Variants in PCCA observed in about 807,000 individuals in gnomAD.
PCCA encodes the protein propionyl-CoA carboxylase alpha chain, mitochondrial.
PCCA carries 74 observed loss-of-function variants against 101.3 expected under a neutral mutation model. The ratio of observed to expected loss-of-function variants is 0.73; its 90% CI spans 0.61 to 0.89. The LOEUF (loss-of-function observed/expected upper bound fraction) is 0.89. Ranked by LOEUF, PCCA falls within the 40% of genes least tolerant of loss-of-function variation. The pLI, the probability that PCCA is intolerant of heterozygous loss-of-function variation, is 0.00. For missense variants in PCCA, 891 were observed against 907.0 expected, an observed-to-expected ratio of 0.98 and a Z score of 0.23; for synonymous variants, 294 against 313.6, an observed-to-expected ratio of 0.94 and a Z score of 0.66.
At chr13:100,151,168 A>G (rs1360462727) in intron 4 of PCCA, 1 of 827,354 alleles carries the variant, frequency 1.2e-6, no homozygotes, top group Non-Finnish European at 1.9e-6. Context: ...TTAATAAAGA[A>G]GATGATTTTT....
At chr13:100,396,004 A>G (rs931186834) in intron 19 of PCCA, among the ~76,000 whole-genome samples, 12 of 152,232 alleles carry the variant, frequency 7.9e-5, no homozygotes, top group African/African-American at 2.7e-4. Flanking sequence ...CAACCTATCT[A>G]CCATCAGCAT....
At chr13:100,344,973 TGCACGTG>T (rs1413609905) in intron 18 of PCCA, among the ~76,000 whole-genome samples, 7 of 152,220 alleles carry the variant, frequency 4.6e-5, no homozygotes, top group African/African-American at 1.7e-4. Flanking sequence ...CCACAAACCA[TGCACGTG>T]TAAGGTGGTG....
chr13:100,417,430 G>T (rs1056683731), intron 19 of PCCA, among the ~76,000 whole-genome samples: 1 of 152,166 alleles, frequency 6.6e-6, no homozygotes, highest in South Asian at 2.1e-4. Context: ...ACTTCCATGT[G>T]TTTATTTCCC....
At chr13:100,456,032 T>G (rs1269810450) in intron 21 of PCCA, among the ~76,000 whole-genome samples, 1 of 152,164 alleles carries the variant, frequency 6.6e-6, no homozygotes, top group Non-Finnish European at 1.5e-5. Flanking sequence ...TTTTGTGCAT[T>G]GAGTATGCAG....
intron 8 of PCCA, among the ~76,000 whole-genome samples, chr13:100,242,812 C>T (rs2061224424): frequency 6.6e-6 from 1 of 152,072 alleles, no homozygotes; most frequent in Non-Finnish European, 1.5e-5. Flanking sequence ...GTATAGGATT[C>T]TCTGCAATAT....
At chr13:100,294,288 A>G (rs2065352396) in intron 12 of PCCA, among the ~76,000 whole-genome samples, 1 of 152,146 alleles carries the variant, frequency 6.6e-6, no homozygotes, top group Non-Finnish European at 1.5e-5. Flanking sequence ...CTCCAAATAC[A>G]GTCACATTCT....
chr13:100,225,365 T>A (rs938272897), intron 7 of PCCA, among the ~76,000 whole-genome samples: 2 of 152,212 alleles, frequency 1.3e-5, no homozygotes, highest in Non-Finnish European at 2.9e-5. Flanking sequence ...TTAGTTCTAA[T>A]TGTTCGTTAA....
chr13:100,517,275 T>A (rs1029477704), intron 22 of PCCA, among the ~76,000 whole-genome samples: 8 of 152,156 alleles, frequency 5.3e-5, no homozygotes, highest in African/African-American at 1.9e-4. Flanking sequence ...AACGGGGCGC[T>A]CCCAAGGCCA....
At chr13:100,319,396 A>G (rs2067748752) in intron 16 of PCCA, among the ~76,000 whole-genome samples, 1 of 152,198 alleles carries the variant, frequency 6.6e-6, no homozygotes, top group South Asian at 2.1e-4. Flanking sequence ...TGTTTTAGAC[A>G]TGAAGTCCTT....
intron 8 of PCCA, among the ~76,000 whole-genome samples, chr13:100,243,659 C>G (rs1371886952): frequency 1.3e-5 from 2 of 152,188 alleles, no homozygotes; most frequent in African/African-American, 4.8e-5. Flanking sequence ...AAGTCTTTTA[C>G]TGAACCTTAT....
Position 100,330,572 on chromosome 13 carries a change from A to G in PCCA, c.1441A>G (p.Asn481Asp). Residue 481 changes from asparagine (N) to aspartate (D), a missense_variant, in exon 17 of 24, where the codon AAT becomes GAT. Physicochemically the swap from Asn to Asp is conservative, Grantham distance 23 (BLOSUM62 1). Coordinates refer to ENST00000376285, the MANE Select transcript of PCCA (RefSeq NM_000282.4). The part of the protein sequence containing the change: ...DNYVIRGVTH[N>D]IALLREVIIN... ...CATTTTACTTTTAGGTGTTACACATAATATTGCATTACTTCGAGAGGTGAT... is the reference window on the plus strand; with the variant it reads ...CATTTTACTTTTAGGTGTTACACATGATATTGCATTACTTCGAGAGGTGAT... The G allele has an allele frequency of 6.3e-7, 1 of 1,597,694 alleles. No individual in the cohort carries two copies. Among genetic ancestry groups the G allele is most frequent in the Non-Finnish European group, 8.6e-7 (1 of 1,165,722 alleles).
intron 4 of PCCA, among the ~76,000 whole-genome samples, chr13:100,127,892 A>G (rs1018082260): frequency 2.0e-5 from 3 of 152,140 alleles, no homozygotes; most frequent in Non-Finnish European, 4.4e-5. Context: ...ACTCCGTCTC[A>G]AAAAACAAAA....
intron 21 of PCCA, among the ~76,000 whole-genome samples, chr13:100,492,033 G>C (rs982546455): frequency 6.6e-6 from 1 of 152,120 alleles, no homozygotes; most frequent in Non-Finnish European, 1.5e-5. Flanking sequence ...CTTAGAAAAG[G>C]TTCATCTACT....
At chr13:100,451,034 T>C (rs984910246) in intron 21 of PCCA, among the ~76,000 whole-genome samples, 1 of 152,194 alleles carries the variant, frequency 6.6e-6, no homozygotes, top group Non-Finnish European at 1.5e-5. Context: ...GCAGGGTAGA[T>C]GAGCAGGCTG....
intron 1 of PCCA, among the ~76,000 whole-genome samples, chr13:100,098,273 G>A (rs1021716620): frequency 6.6e-6 from 1 of 152,102 alleles, no homozygotes; most frequent in African/African-American, 2.4e-5. Flanking sequence ...AATATTCAAA[G>A]TATTATTTGA....
intron 22 of PCCA, among the ~76,000 whole-genome samples, chr13:100,522,849 T>C (rs1335022887): frequency 6.6e-6 from 1 of 152,234 alleles, no homozygotes; most frequent in Non-Finnish European, 1.5e-5. Context: ...TGGAATACTG[T>C]GCAGTCATCC....
At chr13:100,105,345 G>T (rs1218213784) in intron 2 of PCCA, among the ~76,000 whole-genome samples, 1 of 152,042 alleles carries the variant, frequency 6.6e-6, no homozygotes, top group Non-Finnish European at 1.5e-5. Context: ...TATGCTTTGG[G>T]GTTCATGTAT....
intron 6 of PCCA, among the ~76,000 whole-genome samples, chr13:100,166,221 C>T (rs1297107028): frequency 1.3e-5 from 2 of 152,068 alleles, no homozygotes; most frequent in African/African-American, 2.4e-5. Flanking sequence ...GGTGGAATAA[C>T]ACAAGTTATG....
intron 4 of PCCA, 136 bp downstream of exon 4, chr13:100,112,197 G>T: frequency 2.1e-4 from 132 of 634,924 alleles, no homozygotes; most frequent in Middle Eastern, 1.3e-3. Flanking sequence ...TCACTGTTGT[G>T]TTAAGCAAAA....
Sources: allele counts gnomAD v4.1 joint callset (sites outside exome capture counted in the v4.1 genomes callset), GRCh38; gene constraint gnomAD v4.1.1; transcripts MANE v1.5; gene names NCBI Gene and HGNC (gene_info 2026-07-23, HGNC 2026-07-21).